The following MUC12 variants were observed in gnomAD, a reference collection of about 807,000 sequenced individuals.
MUC12 encodes the protein mucin-12.
Under a neutral mutation model 230.8 loss-of-function variants are expected in MUC12, and 172 were observed. That is an observed-to-expected ratio of 0.75 (90% CI 0.66 to 0.85). MUC12 has a LOEUF of 0.85. Among genes scored for constraint, MUC12 ranks in the 40% least tolerant of loss-of-function variants. The pLI is 0.00. For synonymous variants in MUC12, 1,259 were observed against 2,401.9 expected (o/e 0.52, Z 13.91); for missense variants, 3,506 against 5,920.6 (o/e 0.59, Z 13.38).
chr7:100,989,662 G>C (rs768207757), intron 1 of MUC12, among the ~76,000 whole-genome samples: 7 of 151,528 alleles, frequency 4.6e-5, no homozygotes, highest in African/African-American at 9.7e-5. Context: ...ATACAGATAT[G>C]AAAACCCAGA....
chr7:101,013,227 G>A (rs1020013989), intron 8 of MUC12, 85 bp downstream of exon 8: 40 of 1,464,368 alleles, frequency 2.7e-5, no homozygotes, highest in Middle Eastern at 2.2e-4. Context: ...AGGGTTGGGG[G>A]ATTGAGTAGA....
intron 1 of MUC12, among the ~76,000 whole-genome samples, chr7:100,977,283 G>T (rs1324410464): frequency 6.6e-6 from 1 of 151,786 alleles, no homozygotes. Flanking sequence ...TACAGTTGTG[G>T]ACGCCAGAAG....
chr7:101,016,645 A>T (rs1202055452), intron 10 of MUC12, among the ~76,000 whole-genome samples: 1 of 143,886 alleles, frequency 6.9e-6, no homozygotes, highest in East Asian at 2.3e-4. Flanking sequence ...TCAAAAGGCC[A>T]TTCAGGGAGC....
At chr7:101,010,896 C>T (rs1464644241) in intron 5 of MUC12, among the ~76,000 whole-genome samples, 8 of 152,010 alleles carry the variant, frequency 5.3e-5, no homozygotes, top group East Asian at 1.9e-4. Context: ...GTGATCCTCC[C>T]GCCTCGGCCT....
In MUC12 at chr7:100,992,602, C is replaced by G. The variant is rs1362934976; in HGVS notation, c.2039C>G (p.Ser680Ter). The G allele has an allele frequency of 4.6e-6, 7 of 1,537,742 alleles. No individual in the cohort carries two copies. The Admixed American group carries it at 1.4e-4, about 30-fold the overall frequency. The part of the protein sequence containing the change: ...TTHISARSTT[S>*]GLVEESTTYH... ...CACATTTCTGCCCGCTCCACAACCT[C>G]AGGCCTCGTTGAAGAATCTACGACC... Residue 680 changes from serine to a stop codon, truncating the protein, a stop_gained, in exon 2 of 12, where the codon TCA becomes TGA. Coordinates refer to ENST00000536621, the MANE Select transcript of MUC12 (RefSeq NM_001164462.2). LOFTEE classifies it high-confidence loss of function.
rs371457650 is a variant in MUC12 at position 100,977,168 on chromosome 7, C to T, written c.67+7479C>T. Among the ~76,000 whole-genome samples, 79 of 151,288 alleles carry T rather than the reference C, an allele frequency of 5.2e-4. No homozygotes were observed. The East Asian group carries it at 5.8e-3, about 11-fold the overall frequency. Reference sequence around the variant, plus strand: ...CCAGCTCCAGGGTCCCCATTTTTTACCACTTGCTATAATTGGGGATGCCTG... The same window carrying T: ...CCAGCTCCAGGGTCCCCATTTTTTATCACTTGCTATAATTGGGGATGCCTG... On this transcript the variant is annotated intron_variant, in intron 1 of 11. Transcript: ENST00000536621.
chr7:100,969,761 C>T, intron 1 of MUC12, 72 bp downstream of exon 1: 2 of 1,530,788 alleles, frequency 1.3e-6, no homozygotes, highest in Non-Finnish European at 1.8e-6. Context: ...CTGCCTCAGG[C>T]AGCAGGGCTG....
At chr7:100,970,089 C>A (rs1445211045) in intron 1 of MUC12, among the ~76,000 whole-genome samples, 1 of 152,300 alleles carries the variant, frequency 6.6e-6, no homozygotes, top group Non-Finnish European at 1.5e-5. Context: ...ACTGCACATG[C>A]TGCTAGCCCT....
At chr7:101,007,143 G>C (rs1793766701) in intron 3 of MUC12, among the ~76,000 whole-genome samples, 1 of 152,082 alleles carries the variant, frequency 6.6e-6, no homozygotes, top group Non-Finnish European at 1.5e-5. Context: ...ATTTTTAATA[G>C]GGACGGAGTT....
chr7:100,991,280 C>G lies in MUC12; in HGVS notation c.717C>G (p.Asn239Lys), dbSNP rs1490320962. The change falls in exon 2 of 12, where the codon AAC (asparagine) becomes AAG (lysine). Residue 239 changes from asparagine (N) to lysine (K), a missense_variant. Coordinates refer to ENST00000536621, the MANE Select transcript of MUC12 (RefSeq NM_001164462.2). ...CTAAAACAACACGCTTACCTGACAACACCACAACCTCAGGCCTCCTTGAAG... is the reference window on the plus strand; with the variant it reads ...CTAAAACAACACGCTTACCTGACAAGACCACAACCTCAGGCCTCCTTGAAG... The part of the protein sequence containing the change: ...GYTKTTRLPD[N>K]TTTSGLLEAS... 1 of 1,537,714 alleles carries G rather than the reference C, an allele frequency of 6.5e-7. No individual in the cohort carries two copies. Among genetic ancestry groups the G allele is most frequent in the African/African-American group, 1.4e-5 (1 of 73,124 alleles).
At chr7:101,014,641 C>T (rs1298859741) in intron 9 of MUC12, among the ~76,000 whole-genome samples, 1 of 152,060 alleles carries the variant, frequency 6.6e-6, no homozygotes, top group Non-Finnish European at 1.5e-5. Context: ...CCATGCCTGG[C>T]TAATTTTTGT....
chr7:100,969,626 C>T lies in MUC12; in HGVS notation c.4C>T (p.Leu2=). The change falls in exon 1 of 12, where the codon CTG becomes TTG. Residue 2 remains leucine (L), a synonymous_variant. Coordinates refer to ENST00000536621, the MANE Select transcript of MUC12 (RefSeq NM_001164462.2). ...CCAGGGGCCCGTTCCCCGGGAGATG[C>T]TGGTGATCTGGATTCTGACGCTGGC... is the stretch of plus-strand genomic sequence containing the variant. M[L]VIWILTLALR... is the part of the protein sequence containing the mutation. The T allele has an allele frequency of 6.5e-7, 1 of 1,537,436 alleles. No homozygotes were observed. Among genetic ancestry groups the T allele is most frequent in the South Asian group, 1.2e-5 (1 of 84,070 alleles).
intron 1 of MUC12, among the ~76,000 whole-genome samples, chr7:100,990,177 G>C (rs1213605437): frequency 1.3e-5 from 2 of 152,240 alleles, no homozygotes; most frequent in Non-Finnish European, 2.9e-5. Flanking sequence ...GGCAAGAAGT[G>C]AGTAGCGGGC....
chr7:101,004,341 C>A lies in MUC12; in HGVS notation c.13778C>A (p.Ser4593Tyr), dbSNP rs767685166. The A allele has an allele frequency of 3.7e-6, 5 of 1,344,122 alleles. No homozygotes were observed. In the South Asian group the frequency reaches 5.4e-5, roughly 15 times the overall value. The allele number at this position is 1,344,122 out of a possible 1,614,324, so 83.3% of individuals were successfully genotyped here. A position where few individuals can be genotyped will look rare whatever the true frequency, so the allele number is the denominator to read the frequency against. ...ATATTPSPARSTTSGLVEEST... is the reference protein window; with the variant it reads ...ATATTPSPARYTTSGLVEEST... ...GCAACAACACCCTCGCCTGCCCGCT[C>A]CACAACCTCAGGCCTCGTTGAAGAA... The change falls in exon 2 of 12, where the codon TCC becomes TAC. Residue 4593 changes from serine (S) to tyrosine (Y), a missense_variant. Physicochemically the swap from Ser to Tyr is moderately radical, Grantham distance 144. Coordinates refer to ENST00000536621, the MANE Select transcript of MUC12 (RefSeq NM_001164462.2).
chr7:100,984,077 G>T (rs146702883), intron 1 of MUC12, among the ~76,000 whole-genome samples: 87 of 152,200 alleles, frequency 5.7e-4, no homozygotes, highest in African/African-American at 1.9e-3. Flanking sequence ...ATCTACCTTT[G>T]ATCTCAGTGT....
At chr7:100,980,141 T>C (rs1207644414) in intron 1 of MUC12, among the ~76,000 whole-genome samples, 1 of 152,010 alleles carries the variant, frequency 6.6e-6, no homozygotes, top group Non-Finnish European at 1.5e-5. Context: ...CCTCCCAAGT[T>C]CAAGTGATTC....
In MUC12 at chr7:101,002,813, C is replaced by G. The variant is rs1023522390; in HGVS notation, c.12250C>G (p.Pro4084Ala). The change falls in exon 2 of 12, where the codon CCA becomes GCA. Residue 4084 changes from proline (P) to alanine (A), a missense_variant. Transcript: ENST00000536621. ...QEESTTFQSWPSSSDTTPSPP... is the reference protein window; with the variant it reads ...QEESTTFQSWASSSDTTPSPP... Reference sequence around the variant, plus strand: ...AGAATCTACCACTTTCCAGAGCTGGCCAAGCTCAAGTGACACAACACCTTC... The same window carrying G: ...AGAATCTACCACTTTCCAGAGCTGGGCAAGCTCAAGTGACACAACACCTTC... 1 of 1,168,716 alleles carries G rather than the reference C, an allele frequency of 8.6e-7. No homozygotes were observed. Among genetic ancestry groups the G allele is most frequent in the African/African-American group, 1.8e-5 (1 of 56,800 alleles). The allele number at this position is 1,168,716 out of a possible 1,614,324, so 72.4% of individuals were successfully genotyped here.
intron 8 of MUC12, 29 bp downstream of exon 8, chr7:101,013,171 CT>C (rs1562794791): frequency 6.5e-7 from 1 of 1,536,546 alleles, no homozygotes; most frequent in Non-Finnish European, 8.7e-7. Flanking sequence ...CCAGCACCCA[CT>C]CTGTCCTGGT....
chr7:100,975,285 A>G (rs1272226533), intron 1 of MUC12, among the ~76,000 whole-genome samples: 1 of 152,312 alleles, frequency 6.6e-6, no homozygotes, highest in African/African-American at 2.4e-5. Context: ...GAGAGGGACC[A>G]ACTGTCTGCC....
Sources: allele counts gnomAD v4.1 joint callset (sites outside exome capture counted in the v4.1 genomes callset), GRCh38; gene constraint gnomAD v4.1.1; transcripts MANE v1.5; gene names NCBI Gene and HGNC (gene_info 2026-07-23, HGNC 2026-07-21).